Variants in SLC24A3 observed in about 807,000 individuals in gnomAD.
SLC24A3 encodes sodium/potassium/calcium exchanger 3.
A neutral mutation model predicts 75.8 loss-of-function variants in SLC24A3; 28 were observed. The observed-to-expected ratio is 0.37, with a 90% CI of 0.27 to 0.51. The LOEUF (loss-of-function observed/expected upper bound fraction) is 0.51, where lower values mean the gene tolerates loss of function less well. SLC24A3 is among the 20% of genes least tolerant of loss of function. The probability of loss-of-function intolerance (pLI) is 0.94; values close to 1 mark genes in which losing one functional copy is unlikely to be tolerated. For missense variants in SLC24A3, 663 were observed against 847.8 expected, an observed-to-expected ratio of 0.78 and a Z score of 2.71; for synonymous variants, 372 against 334.1, an observed-to-expected ratio of 1.11 and a Z score of -1.24.
intron 6 of SLC24A3, among the ~76,000 whole-genome samples, chr20:19,629,130 A>AACAC (rs147145773): frequency 6.6e-6 from 1 of 150,964 alleles, no homozygotes; most frequent in East Asian, 1.9e-4. Flanking sequence ...TGAGCTATAA[A>AACAC]ACACACACAC....
intron 9 of SLC24A3, among the ~76,000 whole-genome samples, chr20:19,680,013 CTG>C: frequency 6.7e-6 from 1 of 150,218 alleles, no homozygotes; most frequent in African/African-American, 2.5e-5. Flanking sequence ...TGTGTGTTGT[CTG>C]TGTGTGTATG....
At chr20:19,223,547 T>C (rs1981788468) in intron 1 of SLC24A3, among the ~76,000 whole-genome samples, 1 of 152,182 alleles carries the variant, frequency 6.6e-6, no homozygotes, top group Non-Finnish European at 1.5e-5. Flanking sequence ...ACTGTGTTTT[T>C]TCCTATACCT....
At chr20:19,513,736 TAGA>T (rs1380401381) in intron 2 of SLC24A3, among the ~76,000 whole-genome samples, 35 of 123,300 alleles carry the variant, frequency 2.8e-4, no homozygotes, top group African/African-American at 7.8e-4. Flanking sequence ...GCTTTTTTTT[TAGA>T]AAAAAAAAAA....
At chr20:19,413,740 A>G (rs1986784376) in intron 2 of SLC24A3, among the ~76,000 whole-genome samples, 1 of 152,248 alleles carries the variant, frequency 6.6e-6, no homozygotes, top group African/African-American at 2.4e-5. Context: ...CAGGACAGGA[A>G]TATTTTAGTC....
chr20:19,557,107 G>A (rs2030800065), intron 3 of SLC24A3, among the ~76,000 whole-genome samples: 3 of 152,060 alleles, frequency 2.0e-5, no homozygotes, highest in African/African-American at 2.4e-5. Flanking sequence ...CACTCAGCAG[G>A]GCAAACTGTG....
At chr20:19,449,471 T>G (rs950138767) in intron 2 of SLC24A3, among the ~76,000 whole-genome samples, 5 of 152,296 alleles carry the variant, frequency 3.3e-5, no homozygotes, top group African/African-American at 1.2e-4. Context: ...GGCTGGGGCT[T>G]GAATCAGGAA....
intron 1 of SLC24A3, among the ~76,000 whole-genome samples, chr20:19,227,068 T>C (rs8122970): frequency 0.068 from 10,374 of 152,234 alleles, 462 homozygotes; most frequent in Middle Eastern, 0.11. Context: ...TTTCCAGGAA[T>C]TGGAACAAAT....
intron 6 of SLC24A3, among the ~76,000 whole-genome samples, chr20:19,603,226 C>T (rs2031551265): frequency 6.6e-6 from 1 of 152,150 alleles, no homozygotes; most frequent in African/African-American, 2.4e-5. Context: ...CCTGGCTTAA[C>T]TTTTGTGGGG....
intron 6 of SLC24A3, among the ~76,000 whole-genome samples, chr20:19,639,709 G>A (rs556639484): frequency 3.3e-5 from 5 of 152,320 alleles, no homozygotes; most frequent in South Asian, 2.1e-4. Flanking sequence ...GGCTCCGGCC[G>A]CACAGGAGCC....
intron 15 of SLC24A3, among the ~76,000 whole-genome samples, chr20:19,710,217 C>T (rs1003208669): frequency 6.6e-6 from 1 of 152,130 alleles, no homozygotes. Flanking sequence ...TCAAGCTGAC[C>T]ACAAACTAGA....
At position 19,713,548 on chromosome 20, in the gene SLC24A3, AGT is replaced by A. The variant is rs2033011922; in HGVS notation, c.1720-3979_1720-3978del. Reference sequence around the variant, plus strand: ...CATGGACATGCCTTATTCATTCATCAGTTACGTTTTAAGCACGTGGTCTGTGC... The same window carrying A: ...CATGGACATGCCTTATTCATTCATCATACGTTTTAAGCACGTGGTCTGTGC... On this transcript the variant is annotated intron_variant, in intron 15 of 16. Coordinates refer to ENST00000328041, the MANE Select transcript of SLC24A3 (RefSeq NM_020689.4). Among the ~76,000 whole-genome samples the A allele has an allele frequency of 2.0e-5, 3 of 152,190 alleles. No individual in the cohort carries two copies. The South Asian group carries it at 6.2e-4, about 32-fold the overall frequency.
intron 2 of SLC24A3, among the ~76,000 whole-genome samples, chr20:19,372,161 ATGG>A (rs1986004017): frequency 6.6e-6 from 1 of 152,230 alleles, no homozygotes. Flanking sequence ...AGAAGTCAAC[ATGG>A]TGGATTTTCA....
intron 2 of SLC24A3, among the ~76,000 whole-genome samples, chr20:19,356,662 C>T (rs1205942671): frequency 6.6e-6 from 1 of 152,030 alleles, no homozygotes; most frequent in Non-Finnish European, 1.5e-5. Context: ...GTGGGTGTCT[C>T]CTGGTGGGAT....
At chr20:19,500,270 G>T (rs1988365055) in intron 2 of SLC24A3, among the ~76,000 whole-genome samples, 1 of 152,130 alleles carries the variant, frequency 6.6e-6, no homozygotes, top group East Asian at 1.9e-4. Context: ...ACTCTCTCCA[G>T]TCCCCCAACT....
chr20:19,660,020 C>T (rs2424240), intron 7 of SLC24A3, among the ~76,000 whole-genome samples: 24,239 of 152,064 alleles, frequency 0.16, 2,617 homozygotes, highest in African/African-American at 0.31. Flanking sequence ...TGTCCATCAC[C>T]GGCAGCTGGC....
intron 2 of SLC24A3, among the ~76,000 whole-genome samples, chr20:19,302,955 G>T (rs1382842693): frequency 6.6e-6 from 1 of 151,518 alleles, no homozygotes; most frequent in Non-Finnish European, 1.5e-5. Flanking sequence ...CATTTAAGGT[G>T]TCAGTTTTAA....
chr20:19,565,975 G>A (rs2030950730), intron 3 of SLC24A3, among the ~76,000 whole-genome samples: 1 of 152,190 alleles, frequency 6.6e-6, no homozygotes, highest in Non-Finnish European at 1.5e-5. Context: ...TTGGGAAAGT[G>A]AAATGAGCTA....
At chr20:19,436,612 C>G (rs977260478) in intron 2 of SLC24A3, among the ~76,000 whole-genome samples, 2 of 152,184 alleles carry the variant, frequency 1.3e-5, no homozygotes, top group Non-Finnish European at 2.9e-5. Context: ...GTCTTACTCT[C>G]TTTTACTCTT....
chr20:19,672,984 G>A (rs908504193), intron 8 of SLC24A3, among the ~76,000 whole-genome samples: 2 of 152,132 alleles, frequency 1.3e-5, no homozygotes, highest in African/African-American at 4.8e-5. Flanking sequence ...GTTTTTAGTT[G>A]GAAGCCACTA....
Sources: allele counts gnomAD v4.1 joint callset (sites outside exome capture counted in the v4.1 genomes callset), GRCh38; gene constraint gnomAD v4.1.1; transcripts MANE v1.5; gene names NCBI Gene and HGNC (gene_info 2026-07-23, HGNC 2026-07-21).